Variants in ABCG1 observed in about 807,000 individuals in gnomAD.
ABCG1 encodes the protein ATP binding cassette subfamily G member 1, also known as ATP-binding cassette sub-family G member 1.
Under a neutral mutation model 69.2 loss-of-function variants are expected in ABCG1, and 29 were observed. The ratio of observed to expected loss-of-function variants is 0.42; its 90% CI spans 0.31 to 0.57. The LOEUF (loss-of-function observed/expected upper bound fraction) is 0.57. Among genes scored for constraint, ABCG1 ranks in the 20% least tolerant of loss-of-function variants. ABCG1 has a pLI of 0.15. For synonymous variants in ABCG1, 370 were observed against 374.8 expected, an observed-to-expected ratio of 0.99 and a Z score of 0.15; for missense variants, 718 against 898.1, an observed-to-expected ratio of 0.80 and a Z score of 2.56.
At chr21:42,253,481 G>A (rs529214470) in intron 2 of ABCG1, among the ~76,000 whole-genome samples, 104 of 152,292 alleles carry the variant, frequency 6.8e-4, no homozygotes, top group African/African-American at 2.1e-3. Context: ...TCTTGGTATG[G>A]AGAAATGCCT....
intron 2 of ABCG1, among the ~76,000 whole-genome samples, chr21:42,230,269 C>T (rs1457982665): frequency 1.3e-5 from 2 of 152,210 alleles, no homozygotes; most frequent in East Asian, 1.9e-4. Context: ...TAATAGATTC[C>T]TAGCAGAAAA....
At chr21:42,290,291 C>G (rs1467088871) in intron 11 of ABCG1, 73 bp downstream of exon 11, 1 of 1,498,908 alleles carries the variant, frequency 6.7e-7, no homozygotes, top group Non-Finnish European at 9.0e-7. Context: ...TGAAGTCACG[C>G]CTTGACCAAC....
chr21:42,256,674 CCA>C lies in ABCG1; in HGVS notation c.287-14395_287-14394del. ...CACCAGGCAGCCCTTTCTGCTCCTC[CCA>C]GAGACTGATGGCTTCTCTGCATTCA... On this transcript the variant is annotated intron_variant, in intron 2 of 14. Transcript: ENST00000398449. The C allele has an allele frequency of 2.8e-6, 4 of 1,448,642 alleles. No individual in the cohort carries two copies. The South Asian group carries it at 5.8e-5, about 21-fold the overall frequency. 89.7% of individuals were successfully genotyped at this position (1,448,642 alleles called of 1,614,324 possible).
intron 7 of ABCG1, among the ~76,000 whole-genome samples, chr21:42,285,269 G>A (rs981304870): frequency 6.6e-6 from 1 of 152,116 alleles, no homozygotes; most frequent in African/African-American, 2.4e-5. Context: ...AGGCTGAGGT[G>A]GGCAGATCAC....
chr21:42,279,795 G>A (rs4148127), intron 5 of ABCG1, among the ~76,000 whole-genome samples: 28,043 of 152,218 alleles, frequency 0.18, 2,728 homozygotes, highest in South Asian at 0.3. Context: ...TTGGCCTGCC[G>A]GAGCTGGAAG....
chr21:42,240,799 G>A (rs2068040083), intron 2 of ABCG1, among the ~76,000 whole-genome samples: 1 of 152,268 alleles, frequency 6.6e-6, no homozygotes, highest in South Asian at 2.1e-4. Flanking sequence ...AGTCTGATGA[G>A]CTTGGGAGTT....
At chr21:42,268,392 C>CGCGCGT (rs2068555855) in intron 2 of ABCG1, among the ~76,000 whole-genome samples, 6 of 121,622 alleles carry the variant, frequency 4.9e-5, no homozygotes, top group African/African-American at 1.9e-4. Flanking sequence ...TGTGTGTGCG[C>CGCGCGT]GCGCGCGCTG....
At chr21:42,249,003 A>G (rs1008418189) in intron 2 of ABCG1, among the ~76,000 whole-genome samples, 1 of 152,210 alleles carries the variant, frequency 6.6e-6, no homozygotes, top group Non-Finnish European at 1.5e-5. Context: ...ACAGGCATCA[A>G]CAAGAACAGA....
At chr21:42,210,801 G>C (rs2067581092) in intron 2 of ABCG1, among the ~76,000 whole-genome samples, 1 of 152,030 alleles carries the variant, frequency 6.6e-6, no homozygotes, top group Non-Finnish European at 1.5e-5. Context: ...CAGGCTGTGT[G>C]TGCTTGGTGA....
intron 8 of ABCG1, among the ~76,000 whole-genome samples, chr21:42,286,933 G>A (rs1295331491): frequency 2.6e-5 from 4 of 152,202 alleles, no homozygotes; most frequent in Non-Finnish European, 2.9e-5. Context: ...CTGTAGGCTC[G>A]TTTGGAGCCC....
intron 5 of ABCG1, among the ~76,000 whole-genome samples, chr21:42,279,205 C>T (rs564211581): frequency 6.6e-6 from 1 of 152,102 alleles, no homozygotes; most frequent in South Asian, 2.1e-4. Flanking sequence ...CAAGGAGAGA[C>T]GGTGGAAGTG....
chr21:42,259,897 G>A lies in ABCG1; in HGVS notation c.287-11173G>A, dbSNP rs2123684712. ...CAAAGGAGCACAGCGGGAGAAAGAA[G>A]GCCCCCAGGCTTGAGCGGCCCTGAA... On this transcript the variant is annotated intron_variant, in intron 2 of 14. Transcript: ENST00000398449. The A allele has an allele frequency of 2.1e-6, 3 of 1,449,668 alleles. No individual in the cohort carries two copies. The East Asian group carries it at 7.6e-5, about 37-fold the overall frequency. 89.8% of individuals were successfully genotyped at this position (1,449,668 alleles called of 1,614,324 possible). A position where few individuals can be genotyped will look rare whatever the true frequency, so the allele number is the denominator to read the frequency against.
intron 1 of ABCG1, 68 bp from the exon 2 acceptor site, chr21:42,225,603 A>T: frequency 6.4e-7 from 1 of 1,573,902 alleles, no homozygotes; most frequent in Non-Finnish European, 8.6e-7. Context: ...CCTCATGGTG[A>T]ATCTCTTCAT....
At chr21:42,253,640 C>T (rs946659913) in intron 2 of ABCG1, among the ~76,000 whole-genome samples, 3 of 152,114 alleles carry the variant, frequency 2.0e-5, no homozygotes, top group Admixed American at 6.5e-5. Context: ...GGAAACCGCA[C>T]GTGAGGGACT....
Position 42,203,024 on chromosome 21 carries a change from A to G in ABCG1, c.48+1301A>G, listed in dbSNP as rs776154858. Among the ~76,000 whole-genome samples, 299 of 152,340 alleles carry G rather than the reference A, an allele frequency of 2.0e-3. 1 individual carries two copies. The highest frequency in any genetic ancestry group is 3.4e-3 in the Non-Finnish European group (232 of 68,030). On this transcript the variant is annotated intron_variant, in intron 2 of 15. Coordinates refer to the ABCG1 transcript ENST00000398457. ...CCCAGAATCACACCCACTCAAAGATACAAAGCAAATCAGTGCAGGAAGGAC... is the reference window on the plus strand; with the variant it reads ...CCCAGAATCACACCCACTCAAAGATGCAAAGCAAATCAGTGCAGGAAGGAC...
intron 2 of ABCG1, among the ~76,000 whole-genome samples, chr21:42,238,286 C>T (rs189466925): frequency 4.6e-5 from 7 of 152,290 alleles, no homozygotes; most frequent in Admixed American, 6.5e-5. Flanking sequence ...TTGGGCATCA[C>T]AGAGAGTGCC....
intron 2 of ABCG1, among the ~76,000 whole-genome samples, chr21:42,259,774 T>TCC (rs2068373810): frequency 6.6e-6 from 1 of 152,218 alleles, no homozygotes; most frequent in Non-Finnish European, 1.5e-5. Context: ...AGGTCATGGT[T>TCC]TAGGAAGAGG....
rs2068607641 is a variant in ABCG1, at chr21:42,271,066, G to A, written c.287-4G>A. The A allele has an allele frequency of 1.3e-6, 2 of 1,485,204 alleles. No individual in the cohort carries two copies. Among genetic ancestry groups the A allele is most frequent in the African/African-American group, 2.9e-5 (2 of 68,928 alleles). The allele number at this position is 1,485,204 out of a possible 1,614,324, so 92.0% of individuals were successfully genotyped here. ...GAATATGAATATGATCTGCTTTTTT[G>A]CAGGATACAAGACCCTCCTGAAAGG... On this transcript the variant is annotated splice_polypyrimidine_tract_variant and splice_region_variant and intron_variant, in intron 2 of 14. Coordinates refer to ENST00000398449, the MANE Select transcript of ABCG1 (RefSeq NM_016818.3).
intron 2 of ABCG1, among the ~76,000 whole-genome samples, chr21:42,248,737 T>A (rs1486301025): frequency 6.8e-6 from 1 of 146,946 alleles, no homozygotes; most frequent in Non-Finnish European, 1.5e-5. Flanking sequence ...AATAAAAAAA[T>A]TTAAAAAATT....
Sources: allele counts gnomAD v4.1 joint callset (sites outside exome capture counted in the v4.1 genomes callset), GRCh38; gene constraint gnomAD v4.1.1; transcripts MANE v1.5; gene names NCBI Gene and HGNC (gene_info 2026-07-23, HGNC 2026-07-21).